The following SNUPN variants were observed in gnomAD, a reference collection of about 807,000 sequenced individuals.
SNUPN encodes the protein snurportin 1.
In SNUPN, 31 loss-of-function variants were observed where a neutral mutation model predicts 39.2. The observed-to-expected ratio is 0.79, with a 90% CI of 0.59 to 1.07. SNUPN has a LOEUF of 1.07. Ranked by LOEUF, SNUPN falls within the 50% of genes least tolerant of loss-of-function variation. SNUPN has a pLI of 0.00. For missense variants in SNUPN, 382 were observed against 434.2 expected (o/e 0.88, Z 1.07); for synonymous variants, 132 against 159.0 (o/e 0.83, Z 1.28).
At position 75,605,195 on chromosome 15, in the gene SNUPN, C is replaced by T; in HGVS notation, c.633G>A (p.Lys211=). The T allele has an allele frequency of 6.2e-7, 1 of 1,613,328 alleles. No individual in the cohort carries two copies. Among genetic ancestry groups the T allele is most frequent in the Non-Finnish European group, 8.5e-7 (1 of 1,179,552 alleles). Reference sequence around the variant, plus strand: ...CTCCCAGTCCTTCTTCTTCTGGTAACTTTGAATGCATCCAGTAGAATCGGA... The same window carrying T: ...CTCCCAGTCCTTCTTCTTCTGGTAATTTTGAATGCATCCAGTAGAATCGGA... ...TDFRFYWMHS[K]LPEEEGLGEK... is the part of the protein sequence containing the mutation. Residue 211 remains lysine (K), a synonymous_variant, in exon 7 of 9, where the codon AAG becomes AAA. Coordinates refer to ENST00000308588, the MANE Select transcript of SNUPN (RefSeq NM_005701.4).
At chr15:75,618,456 T>C (rs977349087) in intron 2 of SNUPN, among the ~76,000 whole-genome samples, 1 of 152,222 alleles carries the variant, frequency 6.6e-6, no homozygotes, top group Non-Finnish European at 1.5e-5. Context: ...TTAATATATT[T>C]TATTTATTTG....
At chr15:75,613,143 C>G (rs1048528209) in intron 3 of SNUPN, among the ~76,000 whole-genome samples, 2 of 151,180 alleles carry the variant, frequency 1.3e-5, no homozygotes, top group Non-Finnish European at 2.9e-5. Context: ...CCTGTAGTCC[C>G]AGCTGTTCGG....
At chr15:75,602,194 C>T (rs534257680) in intron 7 of SNUPN, among the ~76,000 whole-genome samples, 20 of 151,952 alleles carry the variant, frequency 1.3e-4, no homozygotes, top group Admixed American at 7.2e-4. Flanking sequence ...GGTGACAGAG[C>T]GAGACTCCGT....
intron 8 of SNUPN, among the ~76,000 whole-genome samples, chr15:75,600,391 C>T (rs972548271): frequency 1.3e-5 from 2 of 152,056 alleles, no homozygotes; most frequent in African/African-American, 4.8e-5. Context: ...TCTCCTGCCT[C>T]AGCCTCCCGA....
At chr15:75,599,712 C>T (rs1363090698) in intron 8 of SNUPN, among the ~76,000 whole-genome samples, 1 of 152,136 alleles carries the variant, frequency 6.6e-6, no homozygotes, top group Non-Finnish European at 1.5e-5. Flanking sequence ...GTATTCTTAC[C>T]ACCTTCTTAA....
rs1892912018 is a variant in SNUPN, at chr15:75,615,742, C to T, written c.303+1666G>A. 2.6e-5 allele frequency among the ~76,000 whole-genome samples: 4 copies of T among 151,864 alleles called. No homozygotes were observed. In the South Asian group the frequency reaches 8.3e-4, roughly 32 times the overall value. On this transcript the variant is annotated intron_variant, in intron 3 of 8. Transcript: ENST00000308588. ...TCAGCCTCCCAAGTAGCTGGGACTA[C>T]AGGCGCCTGCCACCACCACGCCTGG...
At chr15:75,623,060 A>AAGTATG (rs1208388182) in intron 1 of SNUPN, among the ~76,000 whole-genome samples, 2 of 152,242 alleles carry the variant, frequency 1.3e-5, no homozygotes, top group East Asian at 3.8e-4. Context: ...CTGTAAAGTT[A>AAGTATG]AGTATGTTCA....
In SNUPN at chr15:75,620,947, G is replaced by A. The variant is rs1273659665; in HGVS notation, c.105C>T (p.Tyr35=). 1.2e-6 allele frequency: 2 copies of A among 1,613,832 alleles called. No homozygotes were observed. The highest frequency in any genetic ancestry group is 1.1e-5 in the South Asian group (1 of 91,062). Residue 35 remains tyrosine, a synonymous_variant, in exon 2 of 9, where the codon TAC becomes TAT. Transcript: ENST00000308588. The stretch of plus-strand genomic sequence containing the variant: ...GGCGCTCACTCTGCTCCAAGGAACT[G>A]TACTTGGACTTGTACTGGGATAGGC... ...HPRLSQYKSK[Y]SSLEQSERRR...
Position 75,605,254 on chromosome 15 carries a change from A to G in SNUPN, c.601-27T>C, listed in dbSNP as rs2075321835. The G allele has an allele frequency of 2.0e-6, 3 of 1,505,382 alleles. No individual in the cohort carries two copies. In the South Asian group the frequency reaches 3.4e-5, roughly 17 times the overall value. The allele number at this position is 1,505,382 out of a possible 1,614,324, so 93.3% of individuals were successfully genotyped here. On this transcript the variant is annotated intron_variant, in intron 6 of 8. Coordinates refer to ENST00000308588, the MANE Select transcript of SNUPN (RefSeq NM_005701.4). ...TGCCACAGAGAAGGGAAACAGAAAGATGAAATACTTTCCATTTCAAACTCT... is the reference window on the plus strand; with the variant it reads ...TGCCACAGAGAAGGGAAACAGAAAGGTGAAATACTTTCCATTTCAAACTCT...
At chr15:75,620,606 C>A (rs938222472) in intron 2 of SNUPN, among the ~76,000 whole-genome samples, 1 of 152,162 alleles carries the variant, frequency 6.6e-6, no homozygotes, top group Non-Finnish European at 1.5e-5. Flanking sequence ...AGTTCCTAAA[C>A]CACAGAGCTC....
At chr15:75,599,176 A>G (rs1391341167) in intron 8 of SNUPN, among the ~76,000 whole-genome samples, 1 of 145,294 alleles carries the variant, frequency 6.9e-6, no homozygotes, top group East Asian at 2.0e-4. Context: ...TCAAAAAAAG[A>G]AAAAAAAAAA....
chr15:75,612,033 T>C (rs986731522), intron 3 of SNUPN, among the ~76,000 whole-genome samples: 1 of 53,078 alleles, frequency 1.9e-5, no homozygotes, highest in Non-Finnish European at 3.3e-5. Context: ...TCTTCCTTTT[T>C]TTCCTTTTTT....
chr15:75,606,049 G>A (rs1404212400), intron 6 of SNUPN, among the ~76,000 whole-genome samples: 1 of 152,186 alleles, frequency 6.6e-6, no homozygotes, highest in Non-Finnish European at 1.5e-5. Context: ...GAAGGCGGAG[G>A]CAGGAGAAGT....
At position 75,598,612 on chromosome 15, in the gene SNUPN, G is replaced by T. The variant is rs749772849; in HGVS notation, c.829C>A (p.Leu277Met). The change falls in exon 9 of 9, where the codon CTG becomes ATG. Residue 277 changes from leucine to methionine, a missense_variant. Coordinates refer to ENST00000308588, the MANE Select transcript of SNUPN (RefSeq NM_005701.4). Reference protein sequence around the residue: ...SPGSTPLVGWLRPYMVSDVLG... With the variant: ...SPGSTPLVGWMRPYMVSDVLG... ...ACATCTGACACCATGTAGGGGCGCA[G>T]CCAGCCCACCAAGGGAGTGCTTCCG... 6.2e-7 allele frequency: 1 copy of T among 1,613,842 alleles called. No individual in the cohort carries two copies. The highest frequency in any genetic ancestry group is 1.3e-5 in the African/African-American group (1 of 74,934).
chr15:75,619,022 T>TTA (rs1893004813), intron 2 of SNUPN, among the ~76,000 whole-genome samples: 2 of 74,352 alleles, frequency 2.7e-5, no homozygotes, highest in African/African-American at 1.2e-4. Flanking sequence ...CTACTTGTGT[T>TTA]AAAAAAAAAA....
intron 6 of SNUPN, among the ~76,000 whole-genome samples, chr15:75,605,803 C>T (rs1390612030): frequency 6.6e-6 from 1 of 152,152 alleles, no homozygotes; most frequent in African/African-American, 2.4e-5. Context: ...CTTGGTTCTA[C>T]ACGTGGGCAA....
chr15:75,621,196 C>T (rs1295261961), intron 1 of SNUPN, 140 bp from the exon 2 acceptor site: 6 of 690,636 alleles, frequency 8.7e-6, no homozygotes, highest in African/African-American at 5.6e-5. Flanking sequence ...TTCCATGAGA[C>T]AAAAGGAAGT....
intron 5 of SNUPN, among the ~76,000 whole-genome samples, chr15:75,609,174 CTTT>C (rs1205961290): frequency 1.1e-5 from 1 of 89,692 alleles, no homozygotes; most frequent in Non-Finnish European, 2.4e-5. Context: ...CAAAGTGGGT[CTTT>C]TTTTTTTTTT....
chr15:75,600,485 G>A (rs1238341666), intron 8 of SNUPN, among the ~76,000 whole-genome samples: 2 of 152,124 alleles, frequency 1.3e-5, no homozygotes, highest in Non-Finnish European at 2.9e-5. Flanking sequence ...ATGTTGGCCA[G>A]GCTGGTCTTG....
Sources: allele counts gnomAD v4.1 joint callset (sites outside exome capture counted in the v4.1 genomes callset), GRCh38; gene constraint gnomAD v4.1.1; transcripts MANE v1.5; gene names NCBI Gene and HGNC (gene_info 2026-07-23, HGNC 2026-07-21).